Variants in RTN1 observed in about 807,000 individuals in gnomAD.
RTN1 encodes reticulon-1.
RTN1 carries 25 observed loss-of-function variants against 65.5 expected under a neutral mutation model. The ratio of observed to expected loss-of-function variants is 0.38; its 90% CI spans 0.28 to 0.53. The LOEUF (loss-of-function observed/expected upper bound fraction) is 0.53, where lower values mean the gene tolerates loss of function less well. Among genes scored for constraint, RTN1 ranks in the 20% least tolerant of loss-of-function variants. The pLI is 0.79. For missense variants in RTN1, 983 were observed against 1,025.4 expected, an observed-to-expected ratio of 0.96 and a Z score of 0.57; for synonymous variants, 471 against 447.6, an observed-to-expected ratio of 1.05 and a Z score of -0.66.
rs1234648047 is a variant in RTN1, at chr14:59,870,343, G to A, written c.241+47C>T. ...CCGCGCAGAAGGGGACTGACTGGGG[G>A]GCCCTGGTCCCCGACGCCATTTGAG... On this transcript the variant is annotated intron_variant, in intron 1 of 8. Coordinates refer to ENST00000267484, the MANE Select transcript of RTN1 (RefSeq NM_021136.3). The surrounding 1 kb of genome is among the most constrained non-coding windows in gnomAD (Gnocchi z 5.1). 5 of 1,441,236 alleles carry A rather than the reference G, an allele frequency of 3.5e-6. No individual in the cohort carries two copies. In the South Asian group the frequency reaches 6.0e-5, roughly 17 times the overall value. The allele number at this position is 1,441,236 out of a possible 1,614,324, so 89.3% of individuals were successfully genotyped here. A position where few individuals can be genotyped will look rare whatever the true frequency, so the allele number is the denominator to read the frequency against.
intron 1 of RTN1, among the ~76,000 whole-genome samples, chr14:59,749,076 C>A (rs1885292379): frequency 6.9e-6 from 1 of 144,686 alleles, no homozygotes; most frequent in African/African-American, 2.6e-5. Context: ...GCGTGAGCCA[C>A]CACGCCGGGG....
intron 1 of RTN1, among the ~76,000 whole-genome samples, chr14:59,865,376 T>C (rs1255707348): frequency 6.6e-6 from 1 of 152,208 alleles, no homozygotes; most frequent in East Asian, 1.9e-4. Context: ...TGTAAAGTAG[T>C]TGGATGTGAA....
chr14:59,682,841 A>G (rs773988003), intron 3 of RTN1, among the ~76,000 whole-genome samples: 37 of 152,148 alleles, frequency 2.4e-4, no homozygotes, highest in Non-Finnish European at 4.6e-4. Context: ...ACTGAACTCC[A>G]CTCCAGAAAC....
At chr14:59,702,771 T>G (rs1387352820) in intron 3 of RTN1, among the ~76,000 whole-genome samples, 1 of 152,184 alleles carries the variant, frequency 6.6e-6, no homozygotes, top group Non-Finnish European at 1.5e-5. Context: ...GAGTGAGTGC[T>G]CACATCAGAG....
intron 1 of RTN1, among the ~76,000 whole-genome samples, chr14:59,855,485 A>G (rs1887588053): frequency 6.6e-6 from 1 of 151,800 alleles, no homozygotes; most frequent in Non-Finnish European, 1.5e-5. Flanking sequence ...CTATTTTATT[A>G]TTTATTTCAA....
At chr14:59,677,535 G>A (rs1883653387) in intron 3 of RTN1, among the ~76,000 whole-genome samples, 1 of 152,178 alleles carries the variant, frequency 6.6e-6, no homozygotes, top group South Asian at 2.1e-4. Flanking sequence ...GCAGTAAGTG[G>A]ACAGAGCATG....
intron 3 of RTN1, among the ~76,000 whole-genome samples, chr14:59,642,794 A>G (rs199934401): frequency 2.6e-5 from 4 of 152,226 alleles, no homozygotes; most frequent in East Asian, 1.9e-4. Flanking sequence ...GTCTGCTTCT[A>G]TCATCTCCTT....
In RTN1 at chr14:59,746,216, C is replaced by G. The variant is rs764971144; in HGVS notation, c.507G>C (p.Glu169Asp). Residue 169 changes from glutamate (E) to aspartate (D), a missense_variant, in exon 2 of 9, where the codon GAG becomes GAC. Coordinates refer to ENST00000267484, the MANE Select transcript of RTN1 (RefSeq NM_021136.3). ...CTTCCGTGGACTCTGCAGGAGTCATCTCTATTCCAGAATCAGAACTAAATA... is the reference window on the plus strand; with the variant it reads ...CTTCCGTGGACTCTGCAGGAGTCATGTCTATTCCAGAATCAGAACTAAATA... ...RGLFSSDSGI[E>D]MTPAESTEVN... 6.2e-7 allele frequency: 1 copy of G among 1,612,584 alleles called. No individual in the cohort carries two copies. The highest frequency in any genetic ancestry group is 2.2e-5 in the East Asian group (1 of 44,876).
Position 59,749,330 on chromosome 14 carries a change from A to ATATATATCTATATATATC in RTN1, c.242-2867_242-2850dup, listed in dbSNP as rs1566711533. 1.1e-4 allele frequency among the ~76,000 whole-genome samples: 6 copies of ATATATATCTATATATATC among 53,594 alleles called. 1 individual carries two copies. The highest frequency in any genetic ancestry group is 1.1e-3 in the East Asian group (2 of 1,818). The allele number at this position is 53,594 out of a possible 152,430, so 35.2% of individuals were successfully genotyped here. A position where few individuals can be genotyped will look rare whatever the true frequency, so the allele number is the denominator to read the frequency against. ...TATCTATATATATATCTATATATCT[A>ATATATATCTATATATATC]TATATATCTATATATATCTATATAT... On this transcript the variant is annotated intron_variant, in intron 1 of 8. Coordinates refer to ENST00000267484, the MANE Select transcript of RTN1 (RefSeq NM_021136.3).
In RTN1 at chr14:59,603,988, G is replaced by T. The variant is rs560720693; in HGVS notation, c.2113-67C>A. 3.2e-6 allele frequency: 4 copies of T among 1,232,224 alleles called. No homozygotes were observed. The South Asian group carries it at 3.6e-5, about 11-fold the overall frequency. 76.3% of individuals were successfully genotyped at this position (1,232,224 alleles called of 1,614,324 possible). A position where few individuals can be genotyped will look rare whatever the true frequency, so the allele number is the denominator to read the frequency against. On this transcript the variant is annotated intron_variant, in intron 5 of 8. Transcript: ENST00000267484. ...TGACAAGTTAGAGTCTCATATCATT[G>T]ACTTTTACCTAGATTTGAATTTGAG... is the stretch of plus-strand genomic sequence containing the variant.
chr14:59,729,853 C>G (rs1242631128), intron 2 of RTN1, among the ~76,000 whole-genome samples: 1 of 152,164 alleles, frequency 6.6e-6, no homozygotes, highest in Admixed American at 6.5e-5. Flanking sequence ...ATTCCTTTCC[C>G]TTTGGTTTCT....
At chr14:59,838,168 G>T (rs957974340) in intron 1 of RTN1, among the ~76,000 whole-genome samples, 4 of 152,042 alleles carry the variant, frequency 2.6e-5, no homozygotes, top group African/African-American at 9.7e-5. Flanking sequence ...ATACCCAATG[G>T]TTAGCTCCCA....
chr14:59,625,634 A>G (rs1186458466), intron 3 of RTN1, among the ~76,000 whole-genome samples: 1 of 152,198 alleles, frequency 6.6e-6, no homozygotes, highest in Non-Finnish European at 1.5e-5. Flanking sequence ...TCTAGATAAT[A>G]TTCAGCAAAT....
chr14:59,734,913 T>C (rs912396813), intron 2 of RTN1, among the ~76,000 whole-genome samples: 1 of 151,716 alleles, frequency 6.6e-6, no homozygotes, highest in African/African-American at 2.4e-5. Context: ...AATGAAAAGA[T>C]CATCCCCAAG....
intron 1 of RTN1, among the ~76,000 whole-genome samples, chr14:59,813,451 A>G (rs1886765668): frequency 6.6e-6 from 1 of 152,214 alleles, no homozygotes; most frequent in Non-Finnish European, 1.5e-5. Context: ...GATGGATGGG[A>G]TTGAAAGATG....
intron 1 of RTN1, among the ~76,000 whole-genome samples, chr14:59,853,069 T>C (rs1299223373): frequency 1.3e-5 from 2 of 152,230 alleles, no homozygotes; most frequent in Admixed American, 6.5e-5. Flanking sequence ...TGAGAGTATC[T>C]GGAATCATTG....
intron 3 of RTN1, among the ~76,000 whole-genome samples, chr14:59,673,414 G>T (rs960381373): frequency 1.3e-5 from 2 of 152,158 alleles, no homozygotes; most frequent in South Asian, 4.1e-4. Flanking sequence ...CCACAGCTTT[G>T]TGAGTTCCAG....
intron 3 of RTN1, among the ~76,000 whole-genome samples, chr14:59,632,635 T>A (rs1439133514): frequency 6.6e-6 from 1 of 152,134 alleles, no homozygotes; most frequent in African/African-American, 2.4e-5. Flanking sequence ...GAGTATTGTG[T>A]CCACCACATT....
At chr14:59,620,698 T>C (rs1882232939) in intron 3 of RTN1, among the ~76,000 whole-genome samples, 1 of 152,206 alleles carries the variant, frequency 6.6e-6, no homozygotes, top group Admixed American at 6.5e-5. Flanking sequence ...AAGGAATGAA[T>C]AAATGGACTG....
Sources: gnomAD v4.1 joint callset for allele counts (sites outside exome capture counted in the v4.1 genomes callset) on GRCh38, gnomAD v4.1.1 for gene constraint, Gnocchi (gnomAD v3.1) non-coding constraint, MANE v1.5 for transcripts, NCBI Gene and HGNC (gene_info 2026-07-23, HGNC 2026-07-21) for gene names.